GIMAP7: variants seen among roughly 807,000 people sequenced by gnomAD.
GIMAP7 encodes the protein GTPase IMAP family member 7.
For missense variants in GIMAP7, 323 were observed against 359.7 expected (o/e 0.90, Z 0.83); for synonymous variants, 137 against 129.3 (o/e 1.06, Z -0.40).
chr7:150,521,020 A>ATG lies in GIMAP7; in HGVS notation c.*144_*145insGT. The ATG allele has an allele frequency of 3.8e-6, 1 of 260,262 alleles. No individual in the cohort carries two copies. The highest frequency in any genetic ancestry group is 6.8e-6 in the Non-Finnish European group (1 of 147,230). The allele number at this position is 260,262 out of a possible 1,614,324, so 16.1% of individuals were successfully genotyped here. The stretch of plus-strand genomic sequence containing the variant: ...TATATAATGTGATTTTTAAATATAT[A>ATG]TATATATATACACACATTGTGAAAT... On this transcript the variant is annotated 3_prime_UTR_variant, in exon 2 of 2. Coordinates refer to ENST00000313543, the MANE Select transcript of GIMAP7 (RefSeq NM_153236.4).
In GIMAP7 at chr7:150,520,733, AAAATT is replaced by A; in HGVS notation, c.763_767del (p.Leu255IlefsTer2). On this transcript the variant is annotated frameshift_variant, in exon 2 of 2. Transcript: ENST00000313543. LOFTEE classifies it low-confidence loss of function (END_TRUNC). Reference sequence around the variant, plus strand: ...AAAAGGAGAAAGAAATTAAATTACTAAAATTAAAATATGATGAAAAAATAAAAAAT... The same window carrying A: ...AAAAGGAGAAAGAAATTAAATTACTAAAAATATGATGAAAAAATAAAAAAT... 6.6e-7 allele frequency: 1 copy of A among 1,505,930 alleles called. No homozygotes were observed. The highest frequency in any genetic ancestry group is 1.2e-5 in the South Asian group (1 of 80,460). The allele number at this position is 1,505,930 out of a possible 1,614,324, so 93.3% of individuals were successfully genotyped here.
intron 1 of GIMAP7, among the ~76,000 whole-genome samples, chr7:150,517,239 C>T (rs991924412): frequency 6.6e-6 from 1 of 152,154 alleles, no homozygotes; most frequent in Admixed American, 6.6e-5. Context: ...TTATCAACTA[C>T]TGGATTTCAA....
In GIMAP7 at chr7:150,520,421, G is replaced by A. The variant is rs780402746; in HGVS notation, c.447G>A (p.Ala149=). Residue 149 remains alanine, a synonymous_variant, in exon 2 of 2, where the codon GCG becomes GCA. Coordinates refer to ENST00000313543, the MANE Select transcript of GIMAP7 (RefSeq NM_153236.4). The part of the protein sequence containing the change: ...GQSFHDFIAD[A]DVGLKSIVKE... ...GCTTCCATGACTTCATAGCAGATGC[G>A]GATGTGGGCCTAAAAAGCATCGTCA... The A allele has an allele frequency of 1.1e-5, 18 of 1,614,068 alleles. No individual in the cohort carries two copies. The highest frequency in any genetic ancestry group is 5.0e-5 in the Admixed American group (3 of 60,004).
chr7:150,520,260 G>C lies in GIMAP7; in HGVS notation c.286G>C (p.Val96Leu), dbSNP rs760524047. Residue 96 changes from valine (V) to leucine (L), a missense_variant, in exon 2 of 2, where the codon GTC (valine) becomes CTC (leucine). Physicochemically the swap from Val to Leu is conservative, Grantham distance 32. Transcript: ENST00000313543. ...CTCCTGCCCAGGGCCCCATGCTATT[G>C]TCCTAGTTCTGCTGCTGGGCCGCTA... is the stretch of plus-strand genomic sequence containing the variant. ...ISSCPGPHAI[V>L]LVLLLGRYTE... The C allele has an allele frequency of 6.2e-7, 1 of 1,614,154 alleles. No homozygotes were observed. Among genetic ancestry groups the C allele is most frequent in the Non-Finnish European group, 8.5e-7 (1 of 1,180,022 alleles).
chr7:150,516,367 T>A (rs1795137862), intron 1 of GIMAP7, among the ~76,000 whole-genome samples: 1 of 152,244 alleles, frequency 6.6e-6, no homozygotes, highest in Non-Finnish European at 1.5e-5. Flanking sequence ...GCCAGTCTTG[T>A]TCAAATATCT....
intron 1 of GIMAP7, among the ~76,000 whole-genome samples, chr7:150,516,478 G>C (rs1294102635): frequency 6.6e-6 from 1 of 152,112 alleles, no homozygotes; most frequent in East Asian, 1.9e-4. Context: ...GAAAGATAAA[G>C]ACCATTTAAA....
At chr7:150,519,339 C>T (rs1457131734) in intron 1 of GIMAP7, among the ~76,000 whole-genome samples, 2 of 152,068 alleles carry the variant, frequency 1.3e-5, no homozygotes, top group Non-Finnish European at 2.9e-5. Context: ...AAACATGAAT[C>T]AGTGTTAAAT....
Position 150,520,671 on chromosome 7 carries a change from A to G in GIMAP7, c.697A>G (p.Lys233Glu), listed in dbSNP as rs528638078. The G allele has an allele frequency of 9.8e-5, 157 of 1,607,436 alleles. 1 individual carries two copies. The South Asian group carries it at 1.6e-3, about 16-fold the overall frequency. Residue 233 changes from lysine (K) to glutamate (E), a missense_variant, in exon 2 of 2, where the codon AAA (lysine) becomes GAA (glutamate). Coordinates refer to ENST00000313543, the MANE Select transcript of GIMAP7 (RefSeq NM_153236.4). Reference protein sequence around the residue: ...IYTDQLNEEIKLVEEDKHKSE... With the variant: ...IYTDQLNEEIELVEEDKHKSE... ...CACTGACCAATTAAATGAAGAAATT[A>G]AACTAGTAGAAGAGGATAAGCATAA...
At chr7:150,517,601 C>T (rs1462691052) in intron 1 of GIMAP7, among the ~76,000 whole-genome samples, 3 of 150,682 alleles carry the variant, frequency 2.0e-5, no homozygotes, top group Non-Finnish European at 4.4e-5. Flanking sequence ...CACACACATA[C>T]ACACACACAC....
At chr7:150,515,787 T>C (rs1795131359) in intron 1 of GIMAP7, among the ~76,000 whole-genome samples, 1 of 152,172 alleles carries the variant, frequency 6.6e-6, no homozygotes, top group African/African-American at 2.4e-5. Context: ...CTCTCTCACG[T>C]TTGGCTTCTC....
chr7:150,519,603 T>G (rs1182097017), intron 1 of GIMAP7, among the ~76,000 whole-genome samples: 3 of 152,120 alleles, frequency 2.0e-5, no homozygotes, highest in Admixed American at 1.3e-4. Context: ...TATACTTGCT[T>G]CATAGAAAAA....
At chr7:150,515,848 G>A (rs1164983885) in intron 1 of GIMAP7, among the ~76,000 whole-genome samples, 2 of 152,188 alleles carry the variant, frequency 1.3e-5, no homozygotes, top group East Asian at 1.9e-4. Flanking sequence ...CCTCCTCACG[G>A]TTCCCTTATA....
At chr7:150,518,685 A>AT (rs1173899753) in intron 1 of GIMAP7, among the ~76,000 whole-genome samples, 10 of 151,996 alleles carry the variant, frequency 6.6e-5, no homozygotes, top group Non-Finnish European at 1.2e-4. Context: ...GCCTTACATA[A>AT]TTTTTTGGAT....
Position 150,521,031 on chromosome 7 carries a change from C to A in GIMAP7, c.*154C>A. ...ATTTTTAAATATATATATATATATA[C>A]ACACATTGTGAAATAATGAAATAAA... On this transcript the variant is annotated 3_prime_UTR_variant, in exon 2 of 2. Coordinates refer to ENST00000313543, the MANE Select transcript of GIMAP7 (RefSeq NM_153236.4). 4.9e-6 allele frequency: 1 copy of A among 204,626 alleles called. No homozygotes were observed. The highest frequency in any genetic ancestry group is 8.0e-6 in the Non-Finnish European group (1 of 125,406). 12.7% of individuals were successfully genotyped at this position (204,626 alleles called of 1,614,324 possible). A position where few individuals can be genotyped will look rare whatever the true frequency, so the allele number is the denominator to read the frequency against.
At position 150,520,562 on chromosome 7, in the gene GIMAP7, C is replaced by A. The variant is rs76395091; in HGVS notation, c.588C>A (p.Asn196Lys). ...TGATAGAGAAAATGGTGCAGTGCAA[C>A]GAAGGGGCTTACTTTTCTGATGACA... The part of the protein sequence containing the change: ...VELIEKMVQC[N>K]EGAYFSDDIY... The change falls in exon 2 of 2, where the codon AAC becomes AAA. Residue 196 changes from asparagine to lysine, a missense_variant. Asn to Lys is a moderately conservative substitution (Grantham distance 94). Coordinates refer to ENST00000313543, the MANE Select transcript of GIMAP7 (RefSeq NM_153236.4). 1.9e-6 allele frequency: 3 copies of A among 1,613,890 alleles called. No individual in the cohort carries two copies. In the African/African-American group the frequency reaches 4.0e-5, roughly 22 times the overall value.
At chr7:150,517,981 A>G (rs1015536721) in intron 1 of GIMAP7, among the ~76,000 whole-genome samples, 10 of 152,070 alleles carry the variant, frequency 6.6e-5, no homozygotes, top group African/African-American at 2.2e-4. Flanking sequence ...TTCTTATATA[A>G]ATGATAGTAA....
rs746202631 is a variant in GIMAP7 at position 150,519,969 on chromosome 7, G to A, written c.-6G>A. Reference sequence around the variant, plus strand: ...TGCCTAAGTTCTAGAGCCTCCTGACGTGAGCATGGCTGAGAGTGAGGACCG... The same window carrying A: ...TGCCTAAGTTCTAGAGCCTCCTGACATGAGCATGGCTGAGAGTGAGGACCG... On this transcript the variant is annotated 5_prime_UTR_variant, in exon 2 of 2. It adds an upstream start codon to the 5' untranslated region. Coordinates refer to ENST00000313543, the MANE Select transcript of GIMAP7 (RefSeq NM_153236.4). 3.7e-5 allele frequency: 60 copies of A among 1,612,802 alleles called. 1 individual carries two copies. In the East Asian group the frequency reaches 6.0e-4, roughly 16 times the overall value.
Position 150,520,819 on chromosome 7 carries a change from A to G in GIMAP7, c.845A>G (p.Lys282Arg). ...IFKDVFNRIW[K>R]MLSEIWHRFL... ...AAAGATGTTTTTAATAGGATTTGGA[A>G]GATGCTTTCAGAAATATGGCATAGG... The change falls in exon 2 of 2, where the codon AAG becomes AGG. Residue 282 changes from lysine to arginine, a missense_variant. By Grantham distance (26) the Lys-to-Arg change is conservative (BLOSUM62 2). Transcript: ENST00000313543. 1 of 1,510,402 alleles carries G rather than the reference A, an allele frequency of 6.6e-7. No homozygotes were observed. The highest frequency in any genetic ancestry group is 2.3e-5 in the East Asian group (1 of 43,116). 93.6% of individuals were successfully genotyped at this position (1,510,402 alleles called of 1,614,324 possible).
Position 150,520,107 on chromosome 7 carries a change from A to C in GIMAP7, c.133A>C (p.Lys45Gln). The C allele has an allele frequency of 2.5e-6, 4 of 1,614,182 alleles. No individual in the cohort carries two copies. The highest frequency in any genetic ancestry group is 3.4e-6 in the Non-Finnish European group (4 of 1,180,026). The change falls in exon 2 of 2, where the codon AAG becomes CAG. Residue 45 changes from lysine (K) to glutamine (Q), a missense_variant. Transcript: ENST00000313543. ...TAGAATTGCTGCCCAAGCTGTTACC[A>C]AGAACTGTCAAAAAGCATCCCGGGA... is the stretch of plus-strand genomic sequence containing the variant. ...DSRIAAQAVT[K>Q]NCQKASREWQ...
Sources: allele counts gnomAD v4.1 joint callset (sites outside exome capture counted in the v4.1 genomes callset), GRCh38; gene constraint gnomAD v4.1.1; transcripts MANE v1.5; gene names NCBI Gene and HGNC (gene_info 2026-07-23, HGNC 2026-07-21).